ZCWPW2: variants seen among roughly 807,000 people sequenced by gnomAD.
ZCWPW2 encodes zinc finger CW-type and PWWP domain containing 2.
Under a neutral mutation model 46.6 loss-of-function variants are expected in ZCWPW2, and 45 were observed. The ratio of observed to expected loss-of-function variants is 0.96; its 90% confidence interval spans 0.76 to 1.24. ZCWPW2 has a LOEUF of 1.24. Among genes scored for constraint, ZCWPW2 ranks in the 50% most tolerant of loss-of-function variants. ZCWPW2 has a pLI of 0.00. For missense variants in ZCWPW2, 429 were observed against 403.9 expected (o/e 1.06, Z -0.53); for synonymous variants, 152 against 137.1 (o/e 1.11, Z -0.76).
chr3:28,473,806 G>A (rs1699125564), intron 4 of ZCWPW2, among the ~76,000 whole-genome samples: 2 of 152,176 alleles, frequency 1.3e-5, no homozygotes, highest in African/African-American at 4.8e-5. Flanking sequence ...TCACTTATTT[G>A]TGGGAGCTAA....
chr3:28,392,897 G>C (rs1695551587), intron 2 of ZCWPW2, among the ~76,000 whole-genome samples: 1 of 151,696 alleles, frequency 6.6e-6, no homozygotes. Flanking sequence ...AAGGAACGAG[G>C]AGAAAACAAA....
In ZCWPW2 at chr3:28,387,585, AT is replaced by A. The variant is rs571466538; in HGVS notation, c.-133-2909del. On this transcript the variant is annotated intron_variant, in intron 1 of 9. Coordinates refer to ENST00000383768, the MANE Select transcript of ZCWPW2 (RefSeq NM_001040432.4). ...ACATCCAGTTTTTTCAAATATTAAC[AT>A]TTTATTAGATTTGCTTTATTTATCT... Among the ~76,000 whole-genome samples, 266 of 152,342 alleles carry A rather than the reference AT, an allele frequency of 1.7e-3. 1 individual carries two copies. Among genetic ancestry groups the A allele is most frequent in the African/African-American group, 6.3e-3 (260 of 41,588 alleles).
intron 2 of ZCWPW2, among the ~76,000 whole-genome samples, chr3:28,395,020 A>G (rs1322845415): frequency 1.3e-5 from 2 of 152,154 alleles, no homozygotes; most frequent in African/African-American, 4.8e-5. Flanking sequence ...ATAAGGGGTT[A>G]ATATCCAAAA....
At chr3:28,465,238 A>T (rs1005957007) in intron 4 of ZCWPW2, among the ~76,000 whole-genome samples, 2 of 152,216 alleles carry the variant, frequency 1.3e-5, no homozygotes, top group Non-Finnish European at 2.9e-5. Context: ...CCATAATGGT[A>T]TTACTGTAGT....
rs1466469511 is a variant in ZCWPW2, at chr3:28,422,697, A to G, written c.332+9297A>G. ...TATACACATCCATGTGCAACCTTCT[A>G]TGTGGACCTGTTTTCAGTTCCTTTG... On this transcript the variant is annotated intron_variant, in intron 3 of 9. Transcript: ENST00000383768. Among the ~76,000 whole-genome samples, 4 of 152,216 alleles carry G rather than the reference A, an allele frequency of 2.6e-5. No homozygotes were observed. In the South Asian group the frequency reaches 6.2e-4, roughly 24 times the overall value.
At chr3:28,416,768 G>T (rs1575110132) in intron 3 of ZCWPW2, among the ~76,000 whole-genome samples, 1 of 84,020 alleles carries the variant, frequency 1.2e-5, no homozygotes, top group Admixed American at 1.5e-4. Flanking sequence ...CATCTTTTGA[G>T]ATAATCATGT....
intron 4 of ZCWPW2, among the ~76,000 whole-genome samples, chr3:28,467,569 C>T (rs1467614061): frequency 1.3e-5 from 2 of 152,178 alleles, no homozygotes; most frequent in Non-Finnish European, 2.9e-5. Flanking sequence ...TCAGATCTGA[C>T]TCAGTGCATT....
intron 1 of ZCWPW2, among the ~76,000 whole-genome samples, chr3:28,376,067 A>G (rs1216570331): frequency 2.0e-5 from 3 of 152,072 alleles, no homozygotes; most frequent in African/African-American, 7.2e-5. Flanking sequence ...GGTTGCTTCC[A>G]AATCTTAACT....
At chr3:28,505,309 A>AG (rs1700246986) in intron 6 of ZCWPW2, among the ~76,000 whole-genome samples, 2 of 152,212 alleles carry the variant, frequency 1.3e-5, no homozygotes, top group African/African-American at 4.8e-5. Flanking sequence ...TCTTATTGCC[A>AG]GGGACTGGTC....
At chr3:28,422,511 G>A (rs1338045081) in intron 3 of ZCWPW2, among the ~76,000 whole-genome samples, 2 of 152,078 alleles carry the variant, frequency 1.3e-5, no homozygotes, top group Non-Finnish European at 1.5e-5. Context: ...TTAGTAATAT[G>A]CATTTACGTC....
At chr3:28,417,536 A>C (rs1347966953) in intron 3 of ZCWPW2, among the ~76,000 whole-genome samples, 4 of 151,908 alleles carry the variant, frequency 2.6e-5, no homozygotes, top group African/African-American at 9.7e-5. Context: ...TCATCCTGAT[A>C]CCAAAGCCTG....
In ZCWPW2 at chr3:28,525,492, A is replaced by G. The variant is rs906074641; in HGVS notation, c.*804A>G. ...TGTGTGGGCATTCACACCTATCTTT[A>G]GTTCCTGCTCTATCTCTTTCTGGTG... On this transcript the variant is annotated 3_prime_UTR_variant, in exon 10 of 10. Transcript: ENST00000383768. 4.5e-5 allele frequency among the ~76,000 whole-genome samples: 4 copies of G among 88,376 alleles called. No homozygotes were observed. Among genetic ancestry groups the G allele is most frequent in the Admixed American group, 2.6e-4 (2 of 7,674 alleles). The allele number at this position is 88,376 out of a possible 152,430, so 58.0% of individuals were successfully genotyped here. A position where few individuals can be genotyped will look rare whatever the true frequency, so the allele number is the denominator to read the frequency against.
chr3:28,436,785 A>G (rs1404799963), intron 4 of ZCWPW2, among the ~76,000 whole-genome samples: 4 of 152,166 alleles, frequency 2.6e-5, no homozygotes, highest in African/African-American at 9.7e-5. Flanking sequence ...GACGTTTTGA[A>G]TGTGCTCCTA....
intron 4 of ZCWPW2, among the ~76,000 whole-genome samples, chr3:28,468,877 A>T (rs1160171751): frequency 6.6e-6 from 1 of 152,194 alleles, no homozygotes; most frequent in Non-Finnish European, 1.5e-5. Context: ...TCATCTGAAG[A>T]TCCAAAACTC....
At chr3:28,457,437 T>A (rs1276992990) in intron 4 of ZCWPW2, among the ~76,000 whole-genome samples, 2 of 152,208 alleles carry the variant, frequency 1.3e-5, no homozygotes, top group East Asian at 3.8e-4. Context: ...TTTTTTAGGT[T>A]CAGGTCTTGA....
intron 1 of ZCWPW2, among the ~76,000 whole-genome samples, chr3:28,356,780 C>T (rs1342300869): frequency 6.6e-6 from 1 of 152,190 alleles, no homozygotes; most frequent in African/African-American, 2.4e-5. Flanking sequence ...CGCATGTTCT[C>T]ACTCATAGGT....
intron 1 of ZCWPW2, among the ~76,000 whole-genome samples, chr3:28,359,465 G>C (rs934966294): frequency 3.3e-5 from 5 of 152,086 alleles, no homozygotes; most frequent in African/African-American, 1.2e-4. Flanking sequence ...AGGCATGAGA[G>C]TGTCTTTGAT....
intron 2 of ZCWPW2, among the ~76,000 whole-genome samples, chr3:28,408,446 T>A (rs1229028080): frequency 6.6e-6 from 1 of 152,178 alleles, no homozygotes; most frequent in Non-Finnish European, 1.5e-5. Context: ...GTCTAGTTTT[T>A]CTGTTTCTTT....
rs555843345 is a variant in ZCWPW2, at chr3:28,455,593, T to C, written c.492+20324T>C. 3.3e-5 allele frequency among the ~76,000 whole-genome samples: 5 copies of C among 152,286 alleles called. No individual in the cohort carries two copies. The South Asian group carries it at 1.0e-3, about 32-fold the overall frequency. ...TCTGAATGGTATTGCCTAGTTTTTT[T>C]TTTCCAGTGTTTTTATAGTTTTGGG... On this transcript the variant is annotated intron_variant, in intron 4 of 9. Transcript: ENST00000383768.
Sources: allele counts gnomAD v4.1 joint callset (sites outside exome capture counted in the v4.1 genomes callset), GRCh38; gene constraint gnomAD v4.1.1; transcripts MANE v1.5; gene names NCBI Gene and HGNC (gene_info 2026-07-23, HGNC 2026-07-21).